WWTR1: variants seen among roughly 807,000 people sequenced by gnomAD.
The protein encoded by WWTR1 is WW domain containing transcription regulator 1, also known as WW domain-containing transcription regulator protein 1.
Under a neutral mutation model 40.1 loss-of-function variants are expected in WWTR1, and 13 were observed. That is an observed-to-expected ratio of 0.32 (90% CI 0.21 to 0.52). The LOEUF (loss-of-function observed/expected upper bound fraction) is 0.52. WWTR1 is among the 20% of genes least tolerant of loss of function. The pLI is 0.97. For missense variants in WWTR1, 436 were observed against 523.1 expected (o/e 0.83, Z 1.63); for synonymous variants, 230 against 210.1 (o/e 1.09, Z -0.82).
chr3:149,709,773 A>G (rs1177385791), intron 5 of WWTR1, among the ~76,000 whole-genome samples: 1 of 152,022 alleles, frequency 6.6e-6, no homozygotes, highest in Non-Finnish European at 1.5e-5. Flanking sequence ...GTGTGGTGGA[A>G]CATGCCTGTG....
chr3:149,540,660 T>C (rs1301874269), intron 4 of WWTR1, among the ~76,000 whole-genome samples: 3 of 152,262 alleles, frequency 2.0e-5, no homozygotes, highest in South Asian at 4.1e-4. Flanking sequence ...TCAAGAAACA[T>C]GACACTATAT....
chr3:149,699,376 C>T (rs1396597882), intron 1 of WWTR1, among the ~76,000 whole-genome samples: 1 of 151,716 alleles, frequency 6.6e-6, no homozygotes, highest in Non-Finnish European at 1.5e-5. Context: ...TCACCGCAAC[C>T]TCTGCCTCCC....
chr3:149,653,098 A>C (rs1712992173), intron 2 of WWTR1, among the ~76,000 whole-genome samples: 1 of 152,234 alleles, frequency 6.6e-6, no homozygotes, highest in Non-Finnish European at 1.5e-5. Flanking sequence ...ATTTAAGAGG[A>C]GGATAAAATC....
intron 2 of WWTR1, among the ~76,000 whole-genome samples, chr3:149,594,578 GT>G (rs890089016): frequency 1.3e-5 from 2 of 151,974 alleles, no homozygotes; most frequent in African/African-American, 4.8e-5. Flanking sequence ...GTGGTCTAAA[GT>G]TTTTTTCAAA....
chr3:149,656,989 G>C lies in WWTR1; in HGVS notation c.318C>G (p.Pro106=), dbSNP rs139228570. The change falls in exon 2 of 7, where the codon CCC becomes CCG. Residue 106 remains proline (P), a synonymous_variant. Transcript: ENST00000360632. The part of the protein sequence containing the change: ...LGTGAGAAGS[P]AQQHAHLRQQ... The stretch of plus-strand genomic sequence containing the variant: ...GGCGGAGGTGCGCGTGCTGCTGCGC[G>C]GGGCTACCCGCAGCACCCGCGCCGG... The C allele has an allele frequency of 6.3e-7, 1 of 1,598,858 alleles. No individual in the cohort carries two copies. The highest frequency in any genetic ancestry group is 2.2e-5 in the East Asian group (1 of 44,612).
intron 2 of WWTR1, among the ~76,000 whole-genome samples, chr3:149,653,737 G>C (rs978078372): frequency 6.6e-6 from 1 of 152,174 alleles, no homozygotes; most frequent in African/African-American, 2.4e-5. Flanking sequence ...TGACATGGGG[G>C]AAAGGTGTCG....
chr3:149,636,652 A>G (rs1017553807), intron 2 of WWTR1, among the ~76,000 whole-genome samples: 23 of 152,366 alleles, frequency 1.5e-4, no homozygotes, highest in African/African-American at 5.5e-4. Context: ...TGCTCCATAA[A>G]TATGTATTGG....
chr3:149,622,490 G>GAAAGAAAGAA (rs1560089654), intron 2 of WWTR1, among the ~76,000 whole-genome samples: 18 of 62,722 alleles, frequency 2.9e-4, no homozygotes, highest in African/African-American at 9.1e-4. Context: ...AGGAAGGAAG[G>GAAAGAAAGAA]AAGGAAGGAA....
chr3:149,702,591 A>G (rs1242384118), intron 1 of WWTR1: 1 of 152,132 alleles, frequency 6.6e-6, no homozygotes, highest in Admixed American at 6.6e-5. Flanking sequence ...AGTAAGCACT[A>G]AGAAATAACA....
At chr3:149,685,244 T>C (rs1390134400) in intron 1 of WWTR1, among the ~76,000 whole-genome samples, 1 of 152,110 alleles carries the variant, frequency 6.6e-6, no homozygotes, top group Non-Finnish European at 1.5e-5. Flanking sequence ...TCCCGAGAGT[T>C]TGGAACTGAA....
upstream of WWTR1, chr3:149,660,171 GCAA>G (rs925555944): frequency 1.3e-5 from 2 of 152,170 alleles, no homozygotes; most frequent in African/African-American, 4.8e-5. Context: ...CATCACAGTT[GCAA>G]CAACAGGGGA....
At chr3:149,609,823 A>T (rs1262887547) in intron 2 of WWTR1, among the ~76,000 whole-genome samples, 1 of 152,266 alleles carries the variant, frequency 6.6e-6, no homozygotes, top group East Asian at 1.9e-4. Context: ...ACTCCACAGC[A>T]AACTATTGTT....
At chr3:149,691,164 A>C (rs1351913286) in intron 1 of WWTR1, among the ~76,000 whole-genome samples, 2 of 152,020 alleles carry the variant, frequency 1.3e-5, no homozygotes, top group Non-Finnish European at 2.9e-5. Flanking sequence ...GATACAGCAA[A>C]AGCAGTAGTA....
At chr3:149,533,129 T>C (rs1049808773) in intron 4 of WWTR1, among the ~76,000 whole-genome samples, 1 of 152,208 alleles carries the variant, frequency 6.6e-6, no homozygotes, top group African/African-American at 2.4e-5. Flanking sequence ...GGGTCCCCTC[T>C]GTGTCCACCC....
chr3:149,641,469 C>T (rs1712165643), intron 2 of WWTR1, among the ~76,000 whole-genome samples: 1 of 152,178 alleles, frequency 6.6e-6, no homozygotes, highest in Non-Finnish European at 1.5e-5. Context: ...CTGGACATTC[C>T]AATGCATGTG....
chr3:149,537,083 C>T (rs903815489), intron 4 of WWTR1, among the ~76,000 whole-genome samples: 1 of 152,142 alleles, frequency 6.6e-6, no homozygotes, highest in Non-Finnish European at 1.5e-5. Flanking sequence ...CCTGTGACTA[C>T]GATTTCCCAC....
At chr3:149,665,327 G>A (rs1254313319) in intron 2 of WWTR1, among the ~76,000 whole-genome samples, 1 of 149,414 alleles carries the variant, frequency 6.7e-6, no homozygotes, top group Non-Finnish European at 1.5e-5. Flanking sequence ...CCGGGTTCAA[G>A]CCATTCTCCT....
intron 4 of WWTR1, among the ~76,000 whole-genome samples, chr3:149,720,300 G>T (rs1199804517): frequency 6.6e-6 from 1 of 152,050 alleles, no homozygotes; most frequent in Non-Finnish European, 1.5e-5. Context: ...TATGCGTATG[G>T]TATTAGGTAA....
rs556404538 is a variant in WWTR1 at position 149,592,150 on chromosome 3, T to C, written c.432-19150A>G. On this transcript the variant is annotated intron_variant, in intron 2 of 6. Coordinates refer to ENST00000360632, the MANE Select transcript of WWTR1 (RefSeq NM_015472.6). ...CAAAAGGGTTCTGTTATCAAATAAGTATGGAAAACACTGAATGTTATATTC... is the reference window on the plus strand; with the variant it reads ...CAAAAGGGTTCTGTTATCAAATAAGCATGGAAAACACTGAATGTTATATTC... Among the ~76,000 whole-genome samples the C allele has an allele frequency of 7.2e-5, 11 of 152,322 alleles. No individual in the cohort carries two copies. In the South Asian group the frequency reaches 2.1e-3, roughly 29 times the overall value.
Sources: gnomAD v4.1 joint callset for allele counts (sites outside exome capture counted in the v4.1 genomes callset) on GRCh38, gnomAD v4.1.1 for gene constraint, MANE v1.5 for transcripts, NCBI Gene and HGNC (gene_info 2026-07-23, HGNC 2026-07-21) for gene names.